Variants in CACNA1G observed in about 807,000 individuals in gnomAD.
The protein encoded by CACNA1G is voltage-dependent T-type calcium channel subunit alpha-1G.
CACNA1G carries 67 observed loss-of-function variants against 219.4 expected under a neutral mutation model. That is an observed-to-expected ratio of 0.31 (90% CI 0.25 to 0.37). The LOEUF (loss-of-function observed/expected upper bound fraction) is 0.37, where lower values mean the gene tolerates loss of function less well. Ranked by LOEUF, CACNA1G falls within the 10% of genes least tolerant of loss-of-function variation. CACNA1G has a pLI of 1.00. For missense variants in CACNA1G, 2,380 were observed against 3,231.4 expected, an observed-to-expected ratio of 0.74 and a Z score of 6.39; for synonymous variants, 1,296 against 1,345.3, an observed-to-expected ratio of 0.96 and a Z score of 0.80.
chr17:50,617,474 C>T lies in CACNA1G; in HGVS notation c.5058C>T (p.Ser1686=). The change falls in exon 29 of 38, where the codon TCC becomes TCT. Residue 1686 remains serine, a synonymous_variant. Transcript: ENST00000359106. The surrounding 1 kb of genome is among the most constrained non-coding windows in gnomAD (Gnocchi z 5.8). ...NQLDLAIVLL[S]IMGITLEEIE... ...TGGACCTGGCCATTGTGCTGCTGTC[C>T]ATCATGGGCATCACGCTGGAGGAAA... The T allele has an allele frequency of 2.5e-6, 4 of 1,613,922 alleles. No individual in the cohort carries two copies. The highest frequency in any genetic ancestry group is 3.4e-6 in the Non-Finnish European group (4 of 1,179,862).
intron 9 of CACNA1G, among the ~76,000 whole-genome samples, chr17:50,580,150 C>T (rs1287811956): frequency 6.6e-6 from 1 of 152,054 alleles, no homozygotes; most frequent in Non-Finnish European, 1.5e-5. Flanking sequence ...GGTGGGCGCA[C>T]TTGACACCAC....
chr17:50,625,470 A>G (rs2053526219), intron 37 of CACNA1G, among the ~76,000 whole-genome samples: 1 of 152,244 alleles, frequency 6.6e-6, no homozygotes, highest in African/African-American at 2.4e-5. Context: ...CATGCCTGCC[A>G]TCAGATCATT....
chr17:50,617,411 C>T lies in CACNA1G; in HGVS notation c.5022-27C>T, dbSNP rs758716254. ...CCTTCAGGAACCCCCTCCCCCAACT[C>T]AGGGAGCTGTATTCTGGGCTTTCCA... On this transcript the variant is annotated intron_variant, in intron 28 of 37. Coordinates refer to ENST00000359106, the MANE Select transcript of CACNA1G (RefSeq NM_018896.5). This position sits in a 1 kb window ranked among gnomAD's most constrained non-coding sequence, Gnocchi z 5.8. 6.3e-7 allele frequency: 1 copy of T among 1,595,156 alleles called. No individual in the cohort carries two copies. Among genetic ancestry groups the T allele is most frequent in the South Asian group, 1.1e-5 (1 of 89,442 alleles).
chr17:50,607,310 C>T (rs996407946), intron 24 of CACNA1G: 1 of 397,626 alleles, frequency 2.5e-6, no homozygotes, highest in Non-Finnish European at 4.8e-6. Flanking sequence ...TGGAGACCAG[C>T]CTGGGCATCA....
chr17:50,626,631 C>T lies in CACNA1G; in HGVS notation c.7014C>T (p.Ser2338=), dbSNP rs367861396. The change falls in exon 38 of 38, where the codon AGC becomes AGT. Residue 2338 remains serine (S), a synonymous_variant. Transcript: ENST00000359106. The surrounding 1 kb of genome is among the most constrained non-coding windows in gnomAD (Gnocchi z 4.3). ...GCCTCCGGAGGAGGGCTCCGTCCAG[C>T]GACTCCAAGGATCCCTTGGCCTCTG... ...GICLRRRAPS[S]DSKDPLASGP... 6.8e-5 allele frequency: 110 copies of T among 1,613,162 alleles called. No individual in the cohort carries two copies. In the African/African-American group the frequency reaches 9.6e-4, roughly 14 times the overall value.
At chr17:50,575,148 T>A (rs1271822591) in intron 7 of CACNA1G, among the ~76,000 whole-genome samples, 1 of 152,204 alleles carries the variant, frequency 6.6e-6, no homozygotes, top group African/African-American at 2.4e-5. Flanking sequence ...TTCCACAGCA[T>A]TCGCTACTCC....
intron 26 of CACNA1G, among the ~76,000 whole-genome samples, chr17:50,614,334 G>A (rs919820193): frequency 3.3e-5 from 5 of 152,154 alleles, no homozygotes; most frequent in African/African-American, 9.7e-5. Context: ...CTCCTGAGAC[G>A]GGGAAGGGCT....
At chr17:50,623,263 A>ATTT (rs35058899) in intron 35 of CACNA1G, among the ~76,000 whole-genome samples, 938 of 50,964 alleles carry the variant, frequency 0.018, 69 homozygotes, top group Admixed American at 0.048. Flanking sequence ...TATCCAGCTA[A>ATTT]TTTTTTTTTT....
rs2046414879 is a variant in CACNA1G, at chr17:50,600,541, G to A, written c.3691-185G>A. On this transcript the variant is annotated intron_variant, in intron 17 of 37. Coordinates refer to ENST00000359106, the MANE Select transcript of CACNA1G (RefSeq NM_018896.5). The surrounding 1 kb of genome is among the most constrained non-coding windows in gnomAD (Gnocchi z 4.1). ...AGGGGTCCTCAGGGATGGGGAGGGG[G>A]CCTGGCAAGGTTGACAGGGAGATGA... Among the ~76,000 whole-genome samples the A allele has an allele frequency of 6.6e-6, 1 of 152,024 alleles. No homozygotes were observed. Among genetic ancestry groups the A allele is most frequent in the Non-Finnish European group, 1.5e-5 (1 of 67,998 alleles).
chr17:50,582,304 A>G (rs1355114572), intron 9 of CACNA1G, among the ~76,000 whole-genome samples: 2 of 152,176 alleles, frequency 1.3e-5, no homozygotes, highest in Non-Finnish European at 2.9e-5. Context: ...AGGGCACAGT[A>G]TGAGGGCTCC....
At position 50,626,115 on chromosome 17, in the gene CACNA1G, C is replaced by G. The variant is rs1478839123; in HGVS notation, c.6498C>G (p.Ala2166=). 1.2e-6 allele frequency: 2 copies of G among 1,613,604 alleles called. No homozygotes were observed. The highest frequency in any genetic ancestry group is 4.5e-5 in the East Asian group (2 of 44,876). ...GGCCCTCCCCGCCCCTGGCCCGGGC[C>G]TACTCTTTCTGGGGCCAGTCAAGTA... ...VSGPSPPLAR[A]YSFWGQSSTQ... Residue 2166 remains alanine, a synonymous_variant, in exon 38 of 38, where the codon GCC becomes GCG. Transcript: ENST00000359106. This position sits in a 1 kb window ranked among gnomAD's most constrained non-coding sequence, Gnocchi z 4.3.
At chr17:50,582,285 G>A (rs972132686) in intron 9 of CACNA1G, among the ~76,000 whole-genome samples, 1 of 152,222 alleles carries the variant, frequency 6.6e-6, no homozygotes, top group African/African-American at 2.4e-5. Context: ...GCCAGTGAAG[G>A]TGAAGGGCAG....
chr17:50,596,899 G>T lies in CACNA1G; in HGVS notation c.3234G>T (p.Gly1078=), dbSNP rs57399058. 4 of 1,571,686 alleles carry T rather than the reference G, an allele frequency of 2.5e-6. No individual in the cohort carries two copies. In the Admixed American group the frequency reaches 5.5e-5, roughly 21 times the overall value. ...GCAGCAGCGGGTCGGCAGAGCCTGGGGCGGCCCACGAGATGAAGTCACCGG... is the reference window on the plus strand; with the variant it reads ...GCAGCAGCGGGTCGGCAGAGCCTGGTGCGGCCCACGAGATGAAGTCACCGG... The part of the protein sequence containing the change: ...RTSSSGSAEP[G]AAHEMKSPPS... The change falls in exon 16 of 38, where the codon GGG becomes GGT. Residue 1078 remains glycine, a synonymous_variant. Coordinates refer to ENST00000359106, the MANE Select transcript of CACNA1G (RefSeq NM_018896.5). This position sits in a 1 kb window ranked among gnomAD's most constrained non-coding sequence, Gnocchi z 4.8.
intron 1 of CACNA1G, among the ~76,000 whole-genome samples, chr17:50,566,441 A>G (rs765008739): frequency 2.6e-4 from 40 of 152,298 alleles, no homozygotes; most frequent in Admixed American, 1.4e-3. Context: ...ACTTGGAAGT[A>G]GGCTGAATTG....
chr17:50,606,425 A>G (rs1001189851), intron 23 of CACNA1G: 6 of 595,150 alleles, frequency 1.0e-5, no homozygotes, highest in African/African-American at 1.9e-5. Flanking sequence ...CCTCAGTTTC[A>G]TTAACTGGTG....
At position 50,617,170 on chromosome 17, in the gene CACNA1G, T is replaced by G. The variant is rs1299502746; in HGVS notation, c.5022-268T>G. On this transcript the variant is annotated intron_variant, in intron 28 of 37. Transcript: ENST00000359106. This position sits in a 1 kb window ranked among gnomAD's most constrained non-coding sequence, Gnocchi z 5.8. The stretch of plus-strand genomic sequence containing the variant: ...AAAGCTCTTAAAAGTGCCTGGTGCA[T>G]AGTGAACACCATATAAGTGCTAAAT... Among the ~76,000 whole-genome samples, 3 of 152,220 alleles carry G rather than the reference T, an allele frequency of 2.0e-5. No homozygotes were observed. Among genetic ancestry groups the G allele is most frequent in the Non-Finnish European group, 4.4e-5 (3 of 68,046 alleles).
rs768461820 is a variant in CACNA1G, at chr17:50,578,395, G to A, written c.2132G>A (p.Arg711Gln). The change falls in exon 9 of 38, where the codon CGG (arginine) becomes CAG (glutamine). Residue 711 changes from arginine to glutamine, a missense_variant. Physicochemically the swap from Arg to Gln is conservative, Grantham distance 43. This residue lies in a region of CACNA1G where 434 missense variants were observed against 417.3 expected (regional missense o/e 1.04). Transcript: ENST00000359106. This position sits in a 1 kb window ranked among gnomAD's most constrained non-coding sequence, Gnocchi z 4.5. ...AGCGACCTCCGGGACCCCCACAGCC[G>A]GCGGCAACGGAGCCTGGGCCCAGAT... ...QHSDLRDPHS[R>Q]RQRSLGPDAE... The A allele has an allele frequency of 2.5e-5, 41 of 1,613,198 alleles. No individual in the cohort carries two copies. Among genetic ancestry groups the A allele is most frequent in the Non-Finnish European group, 3.1e-5 (36 of 1,179,846 alleles).
chr17:50,615,303 G>A, intron 26 of CACNA1G, 58 bp from the exon 27 acceptor site: 2 of 1,447,268 alleles, frequency 1.4e-6, no homozygotes, highest in Non-Finnish European at 1.8e-6. Flanking sequence ...ACTGGGGGTG[G>A]AGGGGTGCGG....
chr17:50,616,521 G>C, intron 28 of CACNA1G, 137 bp downstream of exon 28: 1 of 565,254 alleles, frequency 1.8e-6, no homozygotes, highest in Non-Finnish European at 3.2e-6. Flanking sequence ...TGTGGCTGAC[G>C]TAGGGGACTA....
Sources: allele counts gnomAD v4.1 joint callset (sites outside exome capture counted in the v4.1 genomes callset), GRCh38; gene constraint gnomAD v4.1.1; regional missense constraint gnomAD v4.1.1; non-coding constraint Gnocchi (gnomAD v3.1); transcripts MANE v1.5; gene names NCBI Gene and HGNC (gene_info 2026-07-23, HGNC 2026-07-21).